The following CRTAC1 variants were observed in gnomAD, a reference collection of about 807,000 sequenced individuals.
The protein encoded by CRTAC1 is cartilage acidic protein 1.
In CRTAC1, 37 loss-of-function variants were observed where a neutral mutation model predicts 67.8. That is an observed-to-expected ratio of 0.55 (90% CI 0.42 to 0.72). CRTAC1 has a LOEUF of 0.72. CRTAC1 is among the 30% of genes least tolerant of loss of function. The pLI is 0.00. For missense variants in CRTAC1, 780 were observed against 931.6 expected, an observed-to-expected ratio of 0.84 and a Z score of 2.12; for synonymous variants, 348 against 371.0, an observed-to-expected ratio of 0.94 and a Z score of 0.71.
chr10:97,941,536 A>G (rs1473649685), intron 2 of CRTAC1, among the ~76,000 whole-genome samples: 1 of 152,124 alleles, frequency 6.6e-6, no homozygotes, highest in Non-Finnish European at 1.5e-5. Context: ...AACATGTTCA[A>G]AGTGGAGCTA....
chr10:97,931,460 C>A (rs2051002794), intron 3 of CRTAC1, among the ~76,000 whole-genome samples: 2 of 152,088 alleles, frequency 1.3e-5, no homozygotes, highest in South Asian at 2.1e-4. Flanking sequence ...AATAGAGGAC[C>A]AATTAAATTA....
intron 8 of CRTAC1, 21 bp downstream of exon 8, chr10:97,901,482 G>A (rs745454640): frequency 5.0e-6 from 8 of 1,614,054 alleles, no homozygotes; most frequent in Admixed American, 3.3e-5. Flanking sequence ...GAAGAGCCAC[G>A]AGCCAGGATG....
At chr10:97,937,139 A>G (rs901221643) in intron 2 of CRTAC1, among the ~76,000 whole-genome samples, 9 of 152,164 alleles carry the variant, frequency 5.9e-5, no homozygotes, top group Non-Finnish European at 1.2e-4. Context: ...AGGCATCACT[A>G]CTTATCTCTA....
intron 14 of CRTAC1, among the ~76,000 whole-genome samples, chr10:97,873,289 C>T (rs1475789438): frequency 1.3e-5 from 2 of 152,156 alleles, no homozygotes; most frequent in East Asian, 1.9e-4. Flanking sequence ...TTGTGCACAG[C>T]TCTAAGAACG....
chr10:97,896,152 C>T lies in CRTAC1; in HGVS notation c.1217-167G>A, dbSNP rs577238193. On this transcript the variant is annotated intron_variant, in intron 9 of 14. Transcript: ENST00000370597. ...GGCACCCATCTCCTATCCTTCCTAA[C>T]AGCAGCCTCATGATAGGACTCACGG... Among the ~76,000 whole-genome samples the T allele has an allele frequency of 5.9e-5, 9 of 152,312 alleles. No individual in the cohort carries two copies. In the South Asian group the frequency reaches 1.7e-3, roughly 28 times the overall value.
chr10:97,879,010 G>A (rs2050178407), intron 14 of CRTAC1, among the ~76,000 whole-genome samples: 1 of 152,122 alleles, frequency 6.6e-6, no homozygotes, highest in African/African-American at 2.4e-5. Flanking sequence ...TGCTTTCAAA[G>A]CATCTCATGG....
At chr10:97,992,443 GT>G (rs1442505326) in intron 2 of CRTAC1, among the ~76,000 whole-genome samples, 1 of 152,152 alleles carries the variant, frequency 6.6e-6, no homozygotes, top group Non-Finnish European at 1.5e-5. Flanking sequence ...CCACTACTGG[GT>G]ATATATCCAA....
chr10:97,867,880 T>C (rs1403114589), intron 14 of CRTAC1: 1 of 152,258 alleles, frequency 6.6e-6, no homozygotes, highest in Non-Finnish European at 1.5e-5. Context: ...TTCTTGGAGC[T>C]TGCAGTCTAC....
At chr10:98,005,033 A>AT (rs1340211547) in intron 2 of CRTAC1, among the ~76,000 whole-genome samples, 2,197 of 123,048 alleles carry the variant, frequency 0.018, 61 homozygotes, top group African/African-American at 0.061. Flanking sequence ...AGGTTGTGTG[A>AT]TTTTTTTTTT....
intron 2 of CRTAC1, among the ~76,000 whole-genome samples, chr10:97,998,943 T>TA (rs546181845): frequency 1.5e-3 from 221 of 151,920 alleles, no homozygotes; most frequent in African/African-American, 2.3e-3. Flanking sequence ...AGTAAACCTC[T>TA]AAAAAAACAA....
At chr10:97,909,188 C>T (rs142282582) in intron 5 of CRTAC1, among the ~76,000 whole-genome samples, 87 of 152,224 alleles carry the variant, frequency 5.7e-4, no homozygotes, top group Non-Finnish European at 8.8e-4. Flanking sequence ...AACCTTAATA[C>T]GTCCTGAACA....
intron 8 of CRTAC1, among the ~76,000 whole-genome samples, chr10:97,899,776 T>G (rs1283426641): frequency 2.6e-5 from 4 of 152,116 alleles, no homozygotes; most frequent in African/African-American, 9.7e-5. Flanking sequence ...GTAGGGGTCT[T>G]GGGGGGCCGA....
At chr10:97,968,703 G>T (rs1335292104) in intron 2 of CRTAC1, among the ~76,000 whole-genome samples, 3 of 152,272 alleles carry the variant, frequency 2.0e-5, no homozygotes, top group Non-Finnish European at 4.4e-5. Context: ...TTAGAAATAG[G>T]ATGGCCACCC....
intron 2 of CRTAC1, among the ~76,000 whole-genome samples, chr10:97,965,075 C>T (rs544324246): frequency 6.6e-6 from 1 of 152,262 alleles, no homozygotes; most frequent in East Asian, 1.9e-4. Flanking sequence ...CAAATGAGCA[C>T]ATGACATAAA....
Position 97,918,887 on chromosome 10 carries a change from G to A in CRTAC1, c.559-1231C>T, listed in dbSNP as rs575412193. Among the ~76,000 whole-genome samples, 24 of 151,740 alleles carry A rather than the reference G, an allele frequency of 1.6e-4. No individual in the cohort carries two copies. The East Asian group carries it at 2.3e-3, about 15-fold the overall frequency. On this transcript the variant is annotated intron_variant, in intron 4 of 14. Transcript: ENST00000370597. ...CAGCCTCCACCTCCCAGGTTCAAGC[G>A]ATTGCCCTGCTTCAGCCTCCCAAGT...
chr10:97,941,767 G>A (rs1274053948), intron 2 of CRTAC1, among the ~76,000 whole-genome samples: 2 of 151,938 alleles, frequency 1.3e-5, no homozygotes, highest in Admixed American at 6.5e-5. Flanking sequence ...TCACTTGACC[G>A]TCCCCTAATT....
chr10:98,016,855 AT>A (rs1843007942), intron 1 of CRTAC1, among the ~76,000 whole-genome samples: 2 of 148,372 alleles, frequency 1.3e-5, no homozygotes, highest in Non-Finnish European at 3.0e-5. Context: ...AAGAAAACCT[AT>A]TTATCTAGGG....
intron 1 of CRTAC1, among the ~76,000 whole-genome samples, chr10:98,012,050 G>A (rs1490129916): frequency 6.6e-6 from 1 of 152,158 alleles, no homozygotes; most frequent in African/African-American, 2.4e-5. Flanking sequence ...TAGGGCAGCT[G>A]GCCATCACCT....
chr10:97,944,225 C>G (rs1284663692), intron 2 of CRTAC1, among the ~76,000 whole-genome samples: 1 of 152,032 alleles, frequency 6.6e-6, no homozygotes, highest in East Asian at 1.9e-4. Flanking sequence ...GTCAGGAGTT[C>G]AAGACCAGCC....
Sources: allele counts gnomAD v4.1 joint callset (sites outside exome capture counted in the v4.1 genomes callset), GRCh38; gene constraint gnomAD v4.1.1; transcripts MANE v1.5; gene names NCBI Gene and HGNC (gene_info 2026-07-23, HGNC 2026-07-21).